NEGR1: variants seen among roughly 807,000 people sequenced by gnomAD.
NEGR1 encodes the protein neuronal growth regulator 1, also known as IgLON family member 4.
Under a neutral mutation model 40.9 loss-of-function variants are expected in NEGR1, and 10 were observed. That is an observed-to-expected ratio of 0.24 (90% CI 0.15 to 0.42). The LOEUF is 0.42. NEGR1 is among the 10% of genes least tolerant of loss of function. The pLI is 1.00. For missense variants in NEGR1, 352 were observed against 438.9 expected (o/e 0.80, Z 1.77); for synonymous variants, 185 against 166.8 (o/e 1.11, Z -0.84).
chr1:71,592,187 C>G (rs958845131), intron 6 of NEGR1, among the ~76,000 whole-genome samples: 12 of 152,046 alleles, frequency 7.9e-5, no homozygotes, highest in Non-Finnish European at 1.6e-4. Context: ...ATGGAGGTTT[C>G]TAGCCTTTTA....
At chr1:71,784,868 AG>A (rs1459421146) in intron 2 of NEGR1, among the ~76,000 whole-genome samples, 1 of 152,196 alleles carries the variant, frequency 6.6e-6, no homozygotes, top group African/African-American at 2.4e-5. Context: ...GGTTTTAGAG[AG>A]CTTAACATTT....
chr1:72,111,220 T>C (rs1649359457), intron 1 of NEGR1, among the ~76,000 whole-genome samples: 1 of 151,690 alleles, frequency 6.6e-6, no homozygotes, highest in African/African-American at 2.4e-5. Flanking sequence ...CTTTCTAAGC[T>C]TTAGTCTTCT....
chr1:71,801,444 G>A (rs1251174752), intron 2 of NEGR1, among the ~76,000 whole-genome samples: 1 of 152,154 alleles, frequency 6.6e-6, no homozygotes, highest in Non-Finnish European at 1.5e-5. Flanking sequence ...TCTCTGTTCA[G>A]TATCTTCACA....
intron 3 of NEGR1, among the ~76,000 whole-genome samples, chr1:71,767,925 C>A (rs1043456998): frequency 1.3e-5 from 2 of 152,226 alleles, no homozygotes; most frequent in African/African-American, 4.8e-5. Context: ...CAAGCCATAA[C>A]CTTTGGCAGC....
chr1:71,585,688 C>CTTTTTTTT (rs563536438), intron 6 of NEGR1, among the ~76,000 whole-genome samples: 2 of 112,590 alleles, frequency 1.8e-5, no homozygotes, highest in Admixed American at 1.9e-4. Flanking sequence ...ACCTCTCCAT[C>CTTTTTTTT]TTTTTTTTTT....
chr1:71,924,437 T>A (rs959425962), intron 2 of NEGR1, among the ~76,000 whole-genome samples: 3 of 152,124 alleles, frequency 2.0e-5, no homozygotes, highest in Non-Finnish European at 4.4e-5. Flanking sequence ...CTAAGCAGAG[T>A]GAATAACAAC....
intron 1 of NEGR1, among the ~76,000 whole-genome samples, chr1:72,088,195 A>G (rs1648300682): frequency 6.6e-6 from 1 of 152,158 alleles, no homozygotes; most frequent in African/African-American, 2.4e-5. Context: ...GAGCAGGAAG[A>G]TAACCTGTTA....
chr1:71,529,827 C>T (rs181758555), intron 6 of NEGR1, among the ~76,000 whole-genome samples: 5 of 151,198 alleles, frequency 3.3e-5, no homozygotes, highest in Non-Finnish European at 5.9e-5. Flanking sequence ...GAGACTGAGA[C>T]TAATGAAAGA....
chr1:71,859,437 A>T (rs1659877519), intron 2 of NEGR1, among the ~76,000 whole-genome samples: 1 of 151,996 alleles, frequency 6.6e-6, no homozygotes, highest in African/African-American at 2.4e-5. Flanking sequence ...TCCTGGATTT[A>T]CTTTTATTCA....
chr1:71,938,486 C>A (rs1023712226), intron 1 of NEGR1, among the ~76,000 whole-genome samples: 1 of 147,918 alleles, frequency 6.8e-6, no homozygotes, highest in Non-Finnish European at 1.5e-5. Flanking sequence ...TCTGTACCTC[C>A]TTTTCATTCT....
chr1:71,872,551 C>T (rs946272864), intron 2 of NEGR1, among the ~76,000 whole-genome samples: 1 of 152,174 alleles, frequency 6.6e-6, no homozygotes. Flanking sequence ...TGTGGCTTCT[C>T]TGTCAGCCTG....
intron 1 of NEGR1, among the ~76,000 whole-genome samples, chr1:72,076,278 C>A (rs533703246): frequency 6.6e-6 from 1 of 152,038 alleles, no homozygotes; most frequent in African/African-American, 2.4e-5. Context: ...ATAAAAGAGA[C>A]CCTGGAGAGT....
In NEGR1 at chr1:71,935,081, T is replaced by A. The variant is rs1645891919; in HGVS notation, c.407A>T (p.Gln136Leu). Residue 136 changes from glutamine (Q) to leucine (L), a missense_variant and splice_region_variant, in exon 2 of 7, where the codon CAA becomes CTA. Transcript: ENST00000357731. ...ATAGCAGTTCTGAAAATACATACCTTGCACAGTTAGATGCACCTGCATTGT... is the reference window on the plus strand; with the variant it reads ...ATAGCAGTTCTGAAAATACATACCTAGCACAGTTAGATGCACCTGCATTGT... Reference protein sequence around the residue: ...PRTMQVHLTVQVPPKIYDISN... With the variant: ...PRTMQVHLTVLVPPKIYDISN... The A allele has an allele frequency of 1.1e-5, 18 of 1,585,316 alleles. No individual in the cohort carries two copies. Among genetic ancestry groups the A allele is most frequent in the Non-Finnish European group, 1.6e-5 (18 of 1,153,858 alleles).
rs562796594 is a variant in NEGR1 at position 72,076,813 on chromosome 1, A to G, written c.177-141502T>C. On this transcript the variant is annotated intron_variant, in intron 1 of 6. Coordinates refer to ENST00000357731, the MANE Select transcript of NEGR1 (RefSeq NM_173808.3). ...ATACATTATATAACAAAGTTTGTCA[A>G]TGGGAGGAAAGCAAAACTGGTATTT... 1.8e-3 allele frequency among the ~76,000 whole-genome samples: 278 copies of G among 151,860 alleles called. 1 individual carries two copies. Among genetic ancestry groups the G allele is most frequent in the African/African-American group, 6.3e-3 (262 of 41,446 alleles).
chr1:71,698,506 T>C (rs543287827), intron 3 of NEGR1, among the ~76,000 whole-genome samples: 3 of 152,034 alleles, frequency 2.0e-5, no homozygotes, highest in African/African-American at 4.8e-5. Context: ...TTGACTTCTC[T>C]ACTGTGTGAG....
chr1:72,207,091 C>T (rs1248713387), intron 1 of NEGR1, among the ~76,000 whole-genome samples: 1 of 139,554 alleles, frequency 7.2e-6, no homozygotes. Flanking sequence ...AAAAAAAGCA[C>T]TGAATGAAAA....
At chr1:71,426,306 G>C (rs892993084) in intron 6 of NEGR1, among the ~76,000 whole-genome samples, 1 of 152,060 alleles carries the variant, frequency 6.6e-6, no homozygotes, top group Non-Finnish European at 1.5e-5. Context: ...ATAGATTTTT[G>C]TTGTTCCTGC....
intron 1 of NEGR1, among the ~76,000 whole-genome samples, chr1:72,227,818 G>A (rs898615012): frequency 1.3e-5 from 2 of 152,004 alleles, no homozygotes; most frequent in African/African-American, 2.4e-5. Context: ...CACAGAATGC[G>A]GTTCTGGAAT....
intron 1 of NEGR1, among the ~76,000 whole-genome samples, chr1:72,255,336 T>C (rs559210413): frequency 9.2e-5 from 14 of 152,156 alleles, no homozygotes; most frequent in Non-Finnish European, 1.8e-4. Flanking sequence ...TGAACACCTA[T>C]TATTTTATGC....
Sources: allele counts gnomAD v4.1 joint callset (sites outside exome capture counted in the v4.1 genomes callset), GRCh38; gene constraint gnomAD v4.1.1; transcripts MANE v1.5; gene names NCBI Gene and HGNC (gene_info 2026-07-23, HGNC 2026-07-21).